The following ADGRL3 variants were observed in gnomAD, a reference collection of about 807,000 sequenced individuals.
ADGRL3 encodes calcium-independent alpha-latrotoxin receptor 3.
In ADGRL3, 62 loss-of-function variants were observed where a neutral mutation model predicts 153.5. The observed-to-expected ratio is 0.40, with a 90% CI of 0.33 to 0.50. The LOEUF (loss-of-function observed/expected upper bound fraction) is 0.50. ADGRL3 is among the 20% of genes least tolerant of loss of function. The pLI is 0.47. For synonymous variants in ADGRL3, 710 were observed against 672.5 expected (o/e 1.06, Z -0.86); for missense variants, 1,641 against 1,859.4 (o/e 0.88, Z 2.16).
intron 11 of ADGRL3, among the ~76,000 whole-genome samples, chr4:61,897,945 C>A (rs1283689374): frequency 6.6e-6 from 1 of 152,054 alleles, no homozygotes; most frequent in Non-Finnish European, 1.5e-5. Flanking sequence ...GGTACCAGAT[C>A]AAAGGAGTGA....
At chr4:61,389,494 C>T (rs1375007873) in intron 2 of ADGRL3, among the ~76,000 whole-genome samples, 1 of 152,056 alleles carries the variant, frequency 6.6e-6, no homozygotes, top group Non-Finnish European at 1.5e-5. Context: ...AAATAATATC[C>T]AGAGCCAGAT....
intron 6 of ADGRL3, among the ~76,000 whole-genome samples, chr4:61,708,667 A>C (rs965736306): frequency 7.9e-5 from 12 of 152,230 alleles, no homozygotes; most frequent in African/African-American, 2.9e-4. Context: ...TTTTTGTAAG[A>C]ATACAAAAAC....
At chr4:61,902,965 G>A (rs1189642047) in intron 11 of ADGRL3, among the ~76,000 whole-genome samples, 1 of 152,158 alleles carries the variant, frequency 6.6e-6, no homozygotes, top group African/African-American at 2.4e-5. Context: ...GCACAGGACT[G>A]TAGAGATTCA....
intron 3 of ADGRL3, among the ~76,000 whole-genome samples, chr4:61,512,456 G>A (rs955684966): frequency 6.6e-6 from 1 of 151,924 alleles, no homozygotes; most frequent in Non-Finnish European, 1.5e-5. Context: ...ATAACCTACT[G>A]AGCATTTGCC....
At chr4:61,646,900 C>G (rs2094018671) in intron 5 of ADGRL3, among the ~76,000 whole-genome samples, 1 of 152,198 alleles carries the variant, frequency 6.6e-6, no homozygotes, top group South Asian at 2.1e-4. Context: ...GCAGTTTGAT[C>G]TTAGACTGCT....
chr4:61,432,636 TTC>T (rs2097380379), intron 2 of ADGRL3, among the ~76,000 whole-genome samples: 1 of 83,680 alleles, frequency 1.2e-5, no homozygotes, highest in Non-Finnish European at 2.5e-5. Flanking sequence ...CTTTCTTTCT[TTC>T]TTTCTTTCTT....
intron 24 of ADGRL3, among the ~76,000 whole-genome samples, chr4:62,041,340 T>G (rs1368225605): frequency 6.6e-6 from 1 of 152,126 alleles, no homozygotes; most frequent in Non-Finnish European, 1.5e-5. Flanking sequence ...TTTTAAACTA[T>G]GGACTGAAAT....
chr4:61,527,632 C>T (rs988206342), intron 4 of ADGRL3, among the ~76,000 whole-genome samples: 2 of 152,044 alleles, frequency 1.3e-5, no homozygotes, highest in African/African-American at 4.8e-5. Context: ...TTCAGAGAAT[C>T]CTCCATTGGG....
At chr4:61,375,672 A>G (rs1169550701) in intron 1 of ADGRL3, among the ~76,000 whole-genome samples, 1 of 152,132 alleles carries the variant, frequency 6.6e-6, no homozygotes, top group Non-Finnish European at 1.5e-5. Context: ...AGCCTCTGTA[A>G]ACGGTAAATA....
At chr4:61,974,122 C>T (rs191195415) in intron 17 of ADGRL3, among the ~76,000 whole-genome samples, 1 of 152,138 alleles carries the variant, frequency 6.6e-6, no homozygotes, top group Non-Finnish European at 1.5e-5. Flanking sequence ...CACCCTCCAC[C>T]CTGTCCAGCT....
intron 8 of ADGRL3, among the ~76,000 whole-genome samples, chr4:61,752,535 CT>C (rs2096770032): frequency 6.6e-6 from 1 of 152,186 alleles, no homozygotes; most frequent in African/African-American, 2.4e-5. Flanking sequence ...CTCCTTTCCT[CT>C]GGGTATTTGG....
chr4:61,215,182 G>A (rs1225326614), intron 1 of ADGRL3, among the ~76,000 whole-genome samples: 2 of 152,114 alleles, frequency 1.3e-5, no homozygotes, highest in African/African-American at 4.8e-5. Context: ...AGTCAGAGTG[G>A]AAACATATTC....
intron 1 of ADGRL3, among the ~76,000 whole-genome samples, chr4:61,310,880 T>C (rs1260225571): frequency 6.6e-6 from 1 of 152,048 alleles, no homozygotes; most frequent in African/African-American, 2.4e-5. Context: ...ATTATGAATG[T>C]TACAGAGAAG....
chr4:61,365,399 AAC>A (rs1380184973), intron 1 of ADGRL3, among the ~76,000 whole-genome samples: 1 of 152,228 alleles, frequency 6.6e-6, no homozygotes, highest in Non-Finnish European at 1.5e-5. Flanking sequence ...ACTCCCAGCT[AAC>A]AGAGGCTCTT....
At chr4:61,847,267 C>T (rs2098128311) in intron 9 of ADGRL3, among the ~76,000 whole-genome samples, 1 of 151,366 alleles carries the variant, frequency 6.6e-6, no homozygotes, top group African/African-American at 2.4e-5. Flanking sequence ...AGACTGAATT[C>T]CTAGGTATGA....
intron 8 of ADGRL3, among the ~76,000 whole-genome samples, chr4:61,750,891 G>A (rs1561180984): frequency 6.6e-6 from 1 of 152,110 alleles, no homozygotes; most frequent in African/African-American, 2.4e-5. Context: ...ATCTGGGCAA[G>A]CAAACAGTAA....
chr4:61,479,984 C>T (rs904462522), intron 2 of ADGRL3, among the ~76,000 whole-genome samples: 2 of 152,056 alleles, frequency 1.3e-5, no homozygotes, highest in African/African-American at 4.8e-5. Context: ...AGCTAGTTAA[C>T]ATGTTCATCT....
intron 2 of ADGRL3, among the ~76,000 whole-genome samples, chr4:61,443,338 A>AT (rs2097547099): frequency 6.6e-6 from 1 of 152,152 alleles, no homozygotes; most frequent in Admixed American, 6.5e-5. Context: ...TAATCTTAAA[A>AT]TTTAAGTAAT....
chr4:61,904,544 A>T (rs1459883473), intron 11 of ADGRL3, among the ~76,000 whole-genome samples: 2 of 152,174 alleles, frequency 1.3e-5, no homozygotes, highest in African/African-American at 4.8e-5. Flanking sequence ...GAAAATGTTT[A>T]ATTTTTTACT....
Sources: gnomAD v4.1 joint callset for allele counts (sites outside exome capture counted in the v4.1 genomes callset) on GRCh38, gnomAD v4.1.1 for gene constraint, MANE v1.5 for transcripts, NCBI Gene and HGNC (gene_info 2026-07-23, HGNC 2026-07-21) for gene names.